The following NBDY variants were observed in gnomAD, a reference collection of about 807,000 sequenced individuals.
NBDY encodes negative regulator of P-body association.
intron 2 of NBDY, among the ~76,000 whole-genome samples, chrX:56,762,899 A>G (rs2069645215): frequency 8.9e-6 from 1 of 111,889 alleles, no homozygotes; most frequent in Admixed American, 9.4e-5. Flanking sequence ...ACAAACACAC[A>G]CATAGACACA....
intron 2 of NBDY, among the ~76,000 whole-genome samples, chrX:56,793,727 C>G (rs2069776003): frequency 9.0e-6 from 1 of 110,961 alleles, no homozygotes; most frequent in Non-Finnish European, 1.9e-5. Flanking sequence ...CTTGCTGGCC[C>G]TTCGCCTGGG....
At chrX:56,750,998 C>T (rs1455419535) in intron 2 of NBDY, among the ~76,000 whole-genome samples, 1 of 111,535 alleles carries the variant, frequency 9.0e-6, no homozygotes, top group African/African-American at 3.3e-5. Flanking sequence ...CTATGAAAAT[C>T]CTTTAATGAT....
intron 2 of NBDY, among the ~76,000 whole-genome samples, chrX:56,789,385 A>G (rs936482634): frequency 8.9e-6 from 1 of 111,860 alleles, no homozygotes; most frequent in African/African-American, 3.3e-5. Flanking sequence ...ATGATGGGGT[A>G]CAGGAGAGGG....
chrX:56,764,722 A>AAAAAAG (rs397960549), intron 2 of NBDY, among the ~76,000 whole-genome samples: 11 of 108,026 alleles, frequency 1.0e-4, no homozygotes, highest in Non-Finnish European at 1.7e-4. Context: ...AAAAAAAAAA[A>AAAAAAG]GAAACTGGCC....
chrX:56,787,121 G>A (rs2069733590), intron 2 of NBDY, among the ~76,000 whole-genome samples: 1 of 110,714 alleles, frequency 9.0e-6, no homozygotes, highest in African/African-American at 3.3e-5. Flanking sequence ...GTGCAGGCAG[G>A]GTGTCTCTGC....
At chrX:56,764,988 A>G (rs2069658504) in intron 2 of NBDY, among the ~76,000 whole-genome samples, 1 of 112,519 alleles carries the variant, frequency 8.9e-6, no homozygotes, top group South Asian at 3.6e-4. Context: ...GGCACTTTGC[A>G]TTGCAGTTCG....
intron 2 of NBDY, among the ~76,000 whole-genome samples, chrX:56,781,482 G>T (rs10855133): frequency 0.062 from 6,802 of 110,464 alleles, 483 homozygotes; most frequent in African/African-American, 0.21. Flanking sequence ...TCTTCTGGCT[G>T]GCGCCTTATC....
intron 2 of NBDY, among the ~76,000 whole-genome samples, chrX:56,801,173 A>C (rs1475091997): frequency 2.7e-5 from 3 of 111,579 alleles, no homozygotes; most frequent in African/African-American, 9.8e-5. Context: ...TTTCACCGGG[A>C]CATCACAGGT....
intron 2 of NBDY, among the ~76,000 whole-genome samples, chrX:56,816,236 A>G (rs1280876287): frequency 9.0e-6 from 1 of 111,363 alleles, no homozygotes; most frequent in African/African-American, 3.2e-5. Context: ...GGCCAATAAT[A>G]ATAATAAATA....
rs985347201 is a variant in NBDY at position 56,787,284 on chromosome X, C to T, written c.*167-30036C>T. ...ATGCACACACAGACACAAACACACA[C>T]GTTAAACAAGCCCAAGCAGACACAC... On this transcript the variant is annotated intron_variant, in intron 2 of 2. Coordinates refer to ENST00000374922, the MANE Select transcript of NBDY (RefSeq NM_001348129.2). Among the ~76,000 whole-genome samples, 3 of 110,079 alleles carry T rather than the reference C, an allele frequency of 2.7e-5. No individual in the cohort carries two copies. In the Admixed American group the frequency reaches 2.9e-4, roughly 11 times the overall value.
intron 2 of NBDY, among the ~76,000 whole-genome samples, chrX:56,800,132 T>C (rs2069814665): frequency 8.9e-6 from 1 of 111,733 alleles, no homozygotes; most frequent in Admixed American, 9.4e-5. Flanking sequence ...TGCAGGAAGA[T>C]CTGGACTGTG....
chrX:56,784,323 A>G (rs1400232775), intron 2 of NBDY, among the ~76,000 whole-genome samples: 1 of 111,194 alleles, frequency 9.0e-6, no homozygotes, highest in Non-Finnish European at 1.9e-5. Flanking sequence ...GTTTGGCTGG[A>G]TGTTTGTTGG....
intron 2 of NBDY, among the ~76,000 whole-genome samples, chrX:56,733,796 A>G (rs1792612507): frequency 8.9e-6 from 1 of 112,120 alleles, no homozygotes; most frequent in South Asian, 3.7e-4. Flanking sequence ...GTGTAAACCC[A>G]TCTGCTTTTC....
At chrX:56,755,930 G>A (rs1218056322) in intron 2 of NBDY, among the ~76,000 whole-genome samples, 1 of 104,269 alleles carries the variant, frequency 9.6e-6, no homozygotes, top group African/African-American at 3.5e-5. Context: ...AGAAAATGTG[G>A]CACATATACA....
chrX:56,782,224 G>T (rs1602660242), intron 2 of NBDY, among the ~76,000 whole-genome samples: 1 of 107,653 alleles, frequency 9.3e-6, no homozygotes, highest in Non-Finnish European at 1.9e-5. Context: ...TCTCTTTCTG[G>T]TTATTCTTCC....
chrX:56,784,832 G>A (rs760603524), intron 2 of NBDY, among the ~76,000 whole-genome samples: 4 of 112,000 alleles, frequency 3.6e-5, no homozygotes, highest in South Asian at 7.5e-4. Context: ...AAATCCTGAC[G>A]CGGGCCATCA....
chrX:56,761,903 A>G (rs1037417089), intron 2 of NBDY, among the ~76,000 whole-genome samples: 2 of 110,896 alleles, frequency 1.8e-5, no homozygotes, highest in Admixed American at 1.9e-4. Flanking sequence ...CTCTCCTCCC[A>G]TTTCTGGGGT....
intron 2 of NBDY, among the ~76,000 whole-genome samples, chrX:56,792,771 C>T (rs1441194747): frequency 9.0e-6 from 1 of 111,704 alleles, no homozygotes; most frequent in Non-Finnish European, 1.9e-5. Context: ...GCATTCCTGG[C>T]TCCAGGCCTG....
chrX:56,759,623 C>T (rs2069628171), intron 2 of NBDY, among the ~76,000 whole-genome samples: 1 of 111,239 alleles, frequency 9.0e-6, no homozygotes, highest in South Asian at 3.8e-4. Flanking sequence ...GAAACAGTTT[C>T]TGGCACTGGG....
Sources: gnomAD v4.1 joint callset for allele counts (sites outside exome capture counted in the v4.1 genomes callset) on GRCh38, gnomAD v4.1.1 for gene constraint, MANE v1.5 for transcripts, NCBI Gene and HGNC (gene_info 2026-07-23, HGNC 2026-07-21) for gene names.